Variants in CCND1 observed in about 807,000 individuals in gnomAD.
The protein encoded by CCND1 is G1/S-specific cyclin-D1.
Under a neutral mutation model 26.1 loss-of-function variants are expected in CCND1, and 9 were observed. The observed-to-expected ratio is 0.35, with a 90% CI of 0.21 to 0.60. CCND1 has a LOEUF of 0.60. Ranked by LOEUF, CCND1 falls within the 20% of genes least tolerant of loss-of-function variation. The pLI is 0.79. For missense variants in CCND1, 335 were observed against 392.9 expected (o/e 0.85, Z 1.25); for synonymous variants, 194 against 166.1 (o/e 1.17, Z -1.29).
At chr11:69,647,852 T>A in intron 3 of CCND1, 142 bp from the exon 4 acceptor site, 1 of 891,870 alleles carries the variant, frequency 1.1e-6, no homozygotes, top group South Asian at 1.7e-5. Flanking sequence ...GAGGAGGGCC[T>A]GGATGTGGAG....
At chr11:69,646,758 G>A (rs529538146) in intron 3 of CCND1, among the ~76,000 whole-genome samples, 18 of 152,302 alleles carry the variant, frequency 1.2e-4, no homozygotes, top group African/African-American at 4.1e-4. Flanking sequence ...TGACTGCCCT[G>A]AGGAGGGGAG....
rs772857967 is a variant in CCND1 at position 69,641,365 on chromosome 11, C to G, written c.52C>G (p.Pro18Ala). ...CEVETIRRAYPDANLLNDRVL... is the reference protein window; with the variant it reads ...CEVETIRRAYADANLLNDRVL... Reference sequence around the variant, plus strand: ...AGTGGAAACCATCCGCCGCGCGTACCCCGATGCCAACCTCCTCAACGACCG... The same window carrying G: ...AGTGGAAACCATCCGCCGCGCGTACGCCGATGCCAACCTCCTCAACGACCG... The change falls in exon 1 of 5, where the codon CCC becomes GCC. Residue 18 changes from proline (P) to alanine (A), a missense_variant. Transcript: ENST00000227507. 1 of 1,613,262 alleles carries G rather than the reference C, an allele frequency of 6.2e-7. No individual in the cohort carries two copies. The highest frequency in any genetic ancestry group is 2.2e-5 in the East Asian group (1 of 44,854).
rs1855850567 is a variant in CCND1, at chr11:69,651,207, C to CGAGGAGGAGGAAGAGGAG, written c.824_841dup (p.Glu275_Glu280dup). The CGAGGAGGAGGAAGAGGAG allele has an allele frequency of 6.2e-7, 1 of 1,606,044 alleles. No homozygotes were observed. The highest frequency in any genetic ancestry group is 8.5e-7 in the Non-Finnish European group (1 of 1,175,558). On this transcript the variant is annotated inframe_insertion, in exon 5 of 5. Coordinates refer to ENST00000227507, the MANE Select transcript of CCND1 (RefSeq NM_053056.3). ...AGCAGAACATGGACCCCAAGGCCGC[C>CGAGGAGGAGGAAGAGGAG]GAGGAGGAGGAAGAGGAGGAGGAGG...
At chr11:69,643,711 A>G in intron 2 of CCND1, 121 bp from the exon 3 acceptor site, 1 of 882,130 alleles carries the variant, frequency 1.1e-6, no homozygotes, top group South Asian at 1.8e-5. Flanking sequence ...ACCGCACGAG[A>G]CGCAGGGGCC....
rs1423359243 is a variant in CCND1 at position 69,654,259 on chromosome 11, T to C, written c.*2977T>C. ...AAGGGCACAAGTCCTGGATGTTGTG[T>C]GTATCGAGAGGCCAAAGGCTGGTGG... On this transcript the variant is annotated 3_prime_UTR_variant, in exon 5 of 5. Coordinates refer to ENST00000227507, the MANE Select transcript of CCND1 (RefSeq NM_053056.3). This position sits in a 1 kb window ranked among gnomAD's most constrained non-coding sequence, Gnocchi z 6.3. 4.3e-6 allele frequency: 3 copies of C among 702,278 alleles called. No individual in the cohort carries two copies. The highest frequency in any genetic ancestry group is 7.8e-6 in the Non-Finnish European group (3 of 384,982). The allele number at this position is 702,278 out of a possible 1,614,324, so 43.5% of individuals were successfully genotyped here.
chr11:69,646,281 A>G (rs796801993), intron 3 of CCND1, among the ~76,000 whole-genome samples: 2 of 152,200 alleles, frequency 1.3e-5, no homozygotes, highest in African/African-American at 4.8e-5. Flanking sequence ...TTAAAGGGGA[A>G]AAGAGGTGGC....
chr11:69,653,536 G>A lies in CCND1; in HGVS notation c.*2254G>A. ...TTAGCCATGGTGGACCCAGCGGGCAGGTTCTGCCTGCTTTGGCGGGCAGAC... is the reference window on the plus strand; with the variant it reads ...TTAGCCATGGTGGACCCAGCGGGCAAGTTCTGCCTGCTTTGGCGGGCAGAC... On this transcript the variant is annotated 3_prime_UTR_variant, in exon 5 of 5. Transcript: ENST00000227507. The A allele has an allele frequency of 3.6e-6, 2 of 550,702 alleles. No homozygotes were observed. Among genetic ancestry groups the A allele is most frequent in the South Asian group, 2.3e-5 (1 of 43,018 alleles). The allele number at this position is 550,702 out of a possible 1,614,324, so 34.1% of individuals were successfully genotyped here. A position where few individuals can be genotyped will look rare whatever the true frequency, so the allele number is the denominator to read the frequency against.
Position 69,641,449 on chromosome 11 carries a change from A to C in CCND1, c.136A>C (p.Lys46Gln). ...CTGCGCGCCCTCGGTGTCCTACTTC[A>C]AATGTGTGCAGAAGGAGGTCCTGCC... ...ETCAPSVSYF[K>Q]CVQKEVLPSM... Residue 46 changes from lysine (K) to glutamine (Q), a missense_variant, in exon 1 of 5, where the codon AAA becomes CAA. Transcript: ENST00000227507. 1.2e-6 allele frequency: 2 copies of C among 1,613,414 alleles called. No individual in the cohort carries two copies. Among genetic ancestry groups the C allele is most frequent in the Non-Finnish European group, 1.7e-6 (2 of 1,180,022 alleles).
chr11:69,643,352 G>A, intron 2 of CCND1, 106 bp downstream of exon 2: 1 of 860,922 alleles, frequency 1.2e-6, no homozygotes, highest in South Asian at 1.9e-5. Context: ...TGACATATCT[G>A]CTCCTCCGAG....
At position 69,651,202 on chromosome 11, in the gene CCND1, G is replaced by A. The variant is rs1252799046; in HGVS notation, c.808G>A (p.Ala270Thr). The A allele has an allele frequency of 1.9e-6, 3 of 1,607,474 alleles. No homozygotes were observed. The highest frequency in any genetic ancestry group is 1.1e-5 in the South Asian group (1 of 90,770). Residue 270 changes from alanine (A) to threonine (T), a missense_variant, in exon 5 of 5, where the codon GCC (alanine) becomes ACC (threonine). By Grantham distance (58) the Ala-to-Thr change is moderately conservative (BLOSUM62 0). Coordinates refer to ENST00000227507, the MANE Select transcript of CCND1 (RefSeq NM_053056.3). ...RQAQQNMDPK[A>T]AEEEEEEEEE... ...GGCCCAGCAGAACATGGACCCCAAG[G>A]CCGCCGAGGAGGAGGAAGAGGAGGA...
chr11:69,651,427 T>C lies in CCND1; in HGVS notation c.*145T>C. On this transcript the variant is annotated 3_prime_UTR_variant, in exon 5 of 5. Transcript: ENST00000227507. Reference sequence around the variant, plus strand: ...TCCTTGTTGTTGGTTGTTTTTTCCTTTGCTCTTTCCCCCTTCCATCTCTGA... The same window carrying C: ...TCCTTGTTGTTGGTTGTTTTTTCCTCTGCTCTTTCCCCCTTCCATCTCTGA... The C allele has an allele frequency of 3.0e-6, 2 of 671,452 alleles. No homozygotes were observed. The highest frequency in any genetic ancestry group is 4.4e-6 in the Non-Finnish European group (2 of 450,824). 41.6% of individuals were successfully genotyped at this position (671,452 alleles called of 1,614,324 possible).
chr11:69,650,601 T>TC (rs1855841714), intron 4 of CCND1, among the ~76,000 whole-genome samples: 1 of 151,940 alleles, frequency 6.6e-6, no homozygotes, highest in African/African-American at 2.4e-5. Context: ...ATGGTCCAGG[T>TC]CCCCCTGGCC....
At chr11:69,641,975 G>T (rs775909538) in intron 1 of CCND1, among the ~76,000 whole-genome samples, 176 of 149,782 alleles carry the variant, frequency 1.2e-3, no homozygotes, top group Non-Finnish European at 1.5e-3. Context: ...CGCCATCTTT[G>T]CTCTTTTATT....
Position 69,641,526 on chromosome 11 carries a change from G to T in CCND1, c.198+15G>T. The T allele has an allele frequency of 6.2e-7, 1 of 1,612,240 alleles. No individual in the cohort carries two copies. Among genetic ancestry groups the T allele is most frequent in the South Asian group, 1.1e-5 (1 of 91,078 alleles). On this transcript the variant is annotated intron_variant, in intron 1 of 4. Transcript: ENST00000227507. ...GGATGCTGGAGGTGCGGGGCTTCGG[G>T]CGGCTCTCTTAAGACTTCCCTGCAA...
chr11:69,654,260 G>A lies in CCND1; in HGVS notation c.*2978G>A, dbSNP rs1021791904. ...AGGGCACAAGTCCTGGATGTTGTGT[G>A]TATCGAGAGGCCAAAGGCTGGTGGC... is the stretch of plus-strand genomic sequence containing the variant. On this transcript the variant is annotated 3_prime_UTR_variant, in exon 5 of 5. Transcript: ENST00000227507. This position sits in a 1 kb window ranked among gnomAD's most constrained non-coding sequence, Gnocchi z 6.3. 1.4e-6 allele frequency: 1 copy of A among 702,492 alleles called. No individual in the cohort carries two copies. Among genetic ancestry groups the A allele is most frequent in the Non-Finnish European group, 2.6e-6 (1 of 385,020 alleles). The allele number at this position is 702,492 out of a possible 1,614,324, so 43.5% of individuals were successfully genotyped here.
At chr11:69,646,680 C>T (rs1305771580) in intron 3 of CCND1, among the ~76,000 whole-genome samples, 1 of 152,156 alleles carries the variant, frequency 6.6e-6, no homozygotes, top group Non-Finnish European at 1.5e-5. Context: ...TGCCCCCAGG[C>T]TCCGCTGGGG....
chr11:69,653,334 G>GT lies in CCND1; in HGVS notation c.*2058dup, dbSNP rs778592697. 10 of 701,678 alleles carry GT rather than the reference G, an allele frequency of 1.4e-5. 1 individual carries two copies. In the South Asian group the frequency reaches 1.5e-4, roughly 10 times the overall value. The allele number at this position is 701,678 out of a possible 1,614,324, so 43.5% of individuals were successfully genotyped here. On this transcript the variant is annotated 3_prime_UTR_variant, in exon 5 of 5. Coordinates refer to ENST00000227507, the MANE Select transcript of CCND1 (RefSeq NM_053056.3). ...ATTGTTTGCTGCTATTGGAGGATCA[G>GT]TTTTTTGTTTTACAATGTCATATAC...
chr11:69,644,166 C>T lies in CCND1; in HGVS notation c.574+175C>T, dbSNP rs753826739. On this transcript the variant is annotated intron_variant, in intron 3 of 4. Coordinates refer to ENST00000227507, the MANE Select transcript of CCND1 (RefSeq NM_053056.3). ...AGCAGAGGCCCTGGATTGTTTGTCGCGCTGGATGGAGGGAGATTTGCTCCC... is the reference window on the plus strand; with the variant it reads ...AGCAGAGGCCCTGGATTGTTTGTCGTGCTGGATGGAGGGAGATTTGCTCCC... 1.1e-5 allele frequency: 7 copies of T among 664,846 alleles called. 1 individual carries two copies. In the Middle Eastern group the frequency reaches 1.1e-3, roughly 103 times the overall value. The allele number at this position is 664,846 out of a possible 1,614,324, so 41.2% of individuals were successfully genotyped here.
intron 3 of CCND1, among the ~76,000 whole-genome samples, chr11:69,645,457 G>A (rs371491941): frequency 1.3e-5 from 2 of 152,312 alleles, no homozygotes; most frequent in South Asian, 2.1e-4. Context: ...CTTTGTCTGC[G>A]AAGGCGCCCC....
Sources: gnomAD v4.1 joint callset for allele counts (sites outside exome capture counted in the v4.1 genomes callset) on GRCh38, gnomAD v4.1.1 for gene constraint, Gnocchi (gnomAD v3.1) non-coding constraint, MANE v1.5 for transcripts, NCBI Gene and HGNC (gene_info 2026-07-23, HGNC 2026-07-21) for gene names.